CFAP20DC: variants seen among roughly 807,000 people sequenced by gnomAD.
CFAP20DC encodes the protein CFAP20 domain containing.
CFAP20DC carries 84 observed loss-of-function variants against 101.7 expected under a neutral mutation model. The observed-to-expected ratio is 0.83, with a 90% CI of 0.69 to 0.99. CFAP20DC has a LOEUF of 0.99. Among genes scored for constraint, CFAP20DC ranks in the 50% least tolerant of loss-of-function variants. The pLI is 0.00. For missense variants in CFAP20DC, 1,007 were observed against 970.3 expected (o/e 1.04, Z -0.50); for synonymous variants, 359 against 351.2 (o/e 1.02, Z -0.25).
intron 4 of CFAP20DC, among the ~76,000 whole-genome samples, chr3:59,027,751 T>G (rs963739187): frequency 5.9e-5 from 9 of 152,216 alleles, no homozygotes; most frequent in Non-Finnish European, 8.8e-5. Context: ...AGCTCATGTT[T>G]GTAGTGCTCC....
chr3:58,807,856 G>T (rs1484405155), intron 14 of CFAP20DC, among the ~76,000 whole-genome samples: 1 of 152,192 alleles, frequency 6.6e-6, no homozygotes, highest in Non-Finnish European at 1.5e-5. Flanking sequence ...AACCAATACA[G>T]AGAAGTGCTT....
chr3:58,758,502 T>C (rs1368777657), intron 15 of CFAP20DC, among the ~76,000 whole-genome samples: 1 of 152,124 alleles, frequency 6.6e-6, no homozygotes, highest in African/African-American at 2.4e-5. Context: ...CTTGATACTC[T>C]GGTTGGTTTC....
intron 4 of CFAP20DC, among the ~76,000 whole-genome samples, chr3:58,943,941 A>T (rs1248453087): frequency 2.6e-5 from 4 of 152,148 alleles, no homozygotes; most frequent in Non-Finnish European, 5.9e-5. Context: ...AAGTATCAAT[A>T]GCCGAATCAA....
chr3:58,825,357 C>T (rs188579034), intron 14 of CFAP20DC, among the ~76,000 whole-genome samples: 1 of 152,226 alleles, frequency 6.6e-6, no homozygotes, highest in East Asian at 1.9e-4. Context: ...TGTACTCATT[C>T]GATTTGCATA....
chr3:58,870,775 C>G (rs866923581), intron 7 of CFAP20DC, among the ~76,000 whole-genome samples: 63 of 148,214 alleles, frequency 4.3e-4, no homozygotes, highest in African/African-American at 1.3e-3. Flanking sequence ...GTAGTCCCAG[C>G]TACTCGGGAG....
At chr3:58,934,700 A>T (rs1429824629) in intron 5 of CFAP20DC, among the ~76,000 whole-genome samples, 3 of 152,240 alleles carry the variant, frequency 2.0e-5, no homozygotes, top group African/African-American at 7.2e-5. Context: ...GATGCAGAAA[A>T]GGCCTTTGAC....
intron 14 of CFAP20DC, among the ~76,000 whole-genome samples, chr3:58,807,845 T>A (rs1487325873): frequency 6.6e-6 from 1 of 152,072 alleles, no homozygotes; most frequent in East Asian, 1.9e-4. Context: ...ATAACTAGAA[T>A]AACCAATACA....
At chr3:58,932,049 T>C (rs1350700884) in intron 5 of CFAP20DC, among the ~76,000 whole-genome samples, 2 of 152,164 alleles carry the variant, frequency 1.3e-5, no homozygotes, top group African/African-American at 4.8e-5. Context: ...AATGTATAAC[T>C]AGAATAACCA....
chr3:58,923,172 G>T (rs2085573480), intron 5 of CFAP20DC, among the ~76,000 whole-genome samples: 1 of 152,002 alleles, frequency 6.6e-6, no homozygotes, highest in Non-Finnish European at 1.5e-5. Flanking sequence ...CTCCCATAGT[G>T]CTGGGATTAC....
chr3:58,773,059 T>C (rs998989828), intron 15 of CFAP20DC, among the ~76,000 whole-genome samples: 1 of 151,754 alleles, frequency 6.6e-6, no homozygotes, highest in African/African-American at 2.4e-5. Context: ...TAGGAGCTTC[T>C]AATTTGATGA....
At chr3:58,751,383 C>G (rs778357311) in intron 16 of CFAP20DC, among the ~76,000 whole-genome samples, 1 of 152,112 alleles carries the variant, frequency 6.6e-6, no homozygotes, top group Non-Finnish European at 1.5e-5. Flanking sequence ...ATGCAAATAC[C>G]CAGGCCCGGC....
intron 4 of CFAP20DC, among the ~76,000 whole-genome samples, chr3:58,966,517 T>C (rs2091550789): frequency 6.8e-6 from 1 of 146,302 alleles, no homozygotes; most frequent in Non-Finnish European, 1.5e-5. Flanking sequence ...TGTGTATATA[T>C]ATAAATATAT....
chr3:58,739,631 G>A (rs2067837423), downstream of CFAP20DC, among the ~76,000 whole-genome samples: 1 of 152,234 alleles, frequency 6.6e-6, no homozygotes, highest in Non-Finnish European at 1.5e-5. Context: ...GGCTGGGGAG[G>A]TTTTAAAAAT....
At chr3:58,741,285 G>A (rs1018798485), downstream of CFAP20DC, among the ~76,000 whole-genome samples, 1 of 152,094 alleles carries the variant, frequency 6.6e-6, no homozygotes, top group African/African-American at 2.4e-5. Flanking sequence ...CCCGAATGCA[G>A]AAGCACATGA....
intron 3 of CFAP20DC, among the ~76,000 whole-genome samples, chr3:58,730,241 C>T (rs976728864): frequency 1.3e-5 from 2 of 151,984 alleles, no homozygotes; most frequent in Non-Finnish European, 2.9e-5. Flanking sequence ...GTTTTCACCA[C>T]AAAAATTGGT....
intron 13 of CFAP20DC, among the ~76,000 whole-genome samples, chr3:58,843,084 G>A (rs1422179943): frequency 2.0e-5 from 3 of 152,158 alleles, no homozygotes; most frequent in South Asian, 2.1e-4. Context: ...AGAAAAACTG[G>A]AAACTCTAAA....
At chr3:58,924,639 GA>G (rs1329969716) in intron 5 of CFAP20DC, among the ~76,000 whole-genome samples, 2 of 152,118 alleles carry the variant, frequency 1.3e-5, no homozygotes, top group Admixed American at 6.6e-5. Context: ...TCAGTTCTTT[GA>G]GAAATGTCCA....
At chr3:59,043,983 A>G (rs1164625766) in intron 3 of CFAP20DC, among the ~76,000 whole-genome samples, 1 of 152,222 alleles carries the variant, frequency 6.6e-6, no homozygotes, top group Non-Finnish European at 1.5e-5. Flanking sequence ...CCTGCCCTAG[A>G]GAAGTGCACA....
In CFAP20DC at chr3:58,912,022, GCTCTT is replaced by G. The variant is rs2084206893; in HGVS notation, c.550+1681_550+1685del. Reference sequence around the variant, plus strand: ...AAACCTAAAGGTTTCAGTTTTCTTTGCTCTTCTAAGTCATTGCTTAATCTTATAAA... The same window carrying G: ...AAACCTAAAGGTTTCAGTTTTCTTTGCTAAGTCATTGCTTAATCTTATAAA... On this transcript the variant is annotated intron_variant, in intron 6 of 16. Transcript: ENST00000482387. The surrounding 1 kb of genome is among the most constrained non-coding windows in gnomAD (Gnocchi z 4.4). Among the ~76,000 whole-genome samples the G allele has an allele frequency of 2.0e-5, 3 of 152,012 alleles. No individual in the cohort carries two copies. The South Asian group carries it at 6.2e-4, about 31-fold the overall frequency.
Sources: gnomAD v4.1 joint callset for allele counts (sites outside exome capture counted in the v4.1 genomes callset) on GRCh38, gnomAD v4.1.1 for gene constraint, Gnocchi (gnomAD v3.1) non-coding constraint, MANE v1.5 for transcripts, NCBI Gene and HGNC (gene_info 2026-07-23, HGNC 2026-07-21) for gene names.